PALLD: variants seen among roughly 807,000 people sequenced by gnomAD.
PALLD encodes palladin, cytoskeletal associated protein.
In PALLD, 61 loss-of-function variants were observed where a neutral mutation model predicts 123.5. That is an observed-to-expected ratio of 0.49 (90% CI 0.40 to 0.61). The LOEUF (loss-of-function observed/expected upper bound fraction) is 0.61. Ranked by LOEUF, PALLD falls within the 20% of genes least tolerant of loss-of-function variation. PALLD has a pLI of 0.00. For missense variants in PALLD, 1,273 were observed against 1,377.0 expected, an observed-to-expected ratio of 0.92 and a Z score of 1.20; for synonymous variants, 465 against 496.4, an observed-to-expected ratio of 0.94 and a Z score of 0.84.
Position 168,581,992 on chromosome 4 carries a change from G to T in PALLD, c.908+69580G>T, listed in dbSNP as rs981164064. On this transcript the variant is annotated intron_variant, in intron 2 of 21. Coordinates refer to ENST00000505667, the MANE Select transcript of PALLD (RefSeq NM_001166108.2). ...TGCATATAAATATCCAGTTTTTCTA[G>T]TGCCATTTATTGAAGAAACTGTCCT... is the stretch of plus-strand genomic sequence containing the variant. Among the ~76,000 whole-genome samples the T allele has an allele frequency of 1.7e-4, 26 of 151,886 alleles. 1 individual carries two copies. The highest frequency in any genetic ancestry group is 1.7e-3 in the Admixed American group (26 of 15,220).
intron 10 of PALLD, among the ~76,000 whole-genome samples, chr4:168,803,621 G>C (rs974315993): frequency 1.3e-5 from 2 of 151,668 alleles, no homozygotes; most frequent in African/African-American, 4.8e-5. Flanking sequence ...GGGATTCTGA[G>C]GCTGCAGTGA....
intron 17 of PALLD, among the ~76,000 whole-genome samples, chr4:168,919,690 G>C (rs28508178): frequency 0.011 from 1,727 of 152,196 alleles, 49 homozygotes; most frequent in African/African-American, 0.039. Flanking sequence ...TTTAGCCCCT[G>C]AGGAACATTC....
At chr4:168,661,876 T>C (rs1257666639) in intron 2 of PALLD, among the ~76,000 whole-genome samples, 1 of 152,210 alleles carries the variant, frequency 6.6e-6, no homozygotes, top group African/African-American at 2.4e-5. Flanking sequence ...TCTAAAAATA[T>C]AATGACAACT....
chr4:168,624,269 A>C (rs1465115089), intron 2 of PALLD, among the ~76,000 whole-genome samples: 1 of 152,190 alleles, frequency 6.6e-6, no homozygotes, highest in Non-Finnish European at 1.5e-5. Context: ...GAATGCAAGA[A>C]TAATTCATGG....
At chr4:168,546,742 C>G (rs990159278) in intron 2 of PALLD, among the ~76,000 whole-genome samples, 1 of 152,142 alleles carries the variant, frequency 6.6e-6, no homozygotes, top group Non-Finnish European at 1.5e-5. Context: ...AATGTGAGGG[C>G]TAAAACTAAG....
intron 2 of PALLD, among the ~76,000 whole-genome samples, chr4:168,552,251 T>C (rs1375083137): frequency 6.6e-6 from 1 of 152,062 alleles, no homozygotes. Context: ...ATCACACTCA[T>C]GAAGGGACCC....
At chr4:168,570,708 A>G (rs1266407306) in intron 2 of PALLD, among the ~76,000 whole-genome samples, 3 of 152,192 alleles carry the variant, frequency 2.0e-5, no homozygotes, top group Non-Finnish European at 4.4e-5. Context: ...AAGGAAAGCA[A>G]TAAGGCTAGA....
At chr4:168,518,502 G>A (rs895185354) in intron 2 of PALLD, among the ~76,000 whole-genome samples, 4 of 152,084 alleles carry the variant, frequency 2.6e-5, no homozygotes, top group Non-Finnish European at 5.9e-5. Context: ...GTCACAGTGG[G>A]GTTCTTGGCT....
At chr4:168,535,733 C>T (rs1765029576) in intron 2 of PALLD, among the ~76,000 whole-genome samples, 1 of 152,172 alleles carries the variant, frequency 6.6e-6, no homozygotes, top group African/African-American at 2.4e-5. Context: ...CCCATTGCAT[C>T]CCTCTTAAGA....
intron 1 of PALLD, among the ~76,000 whole-genome samples, chr4:168,498,916 A>G (rs1761037417): frequency 6.6e-6 from 1 of 152,092 alleles, no homozygotes; most frequent in Non-Finnish European, 1.5e-5. Context: ...AACTCTGTAA[A>G]GTATCTTATT....
intron 2 of PALLD, among the ~76,000 whole-genome samples, chr4:168,657,012 T>C (rs1778648493): frequency 6.6e-6 from 1 of 152,210 alleles, no homozygotes; most frequent in Non-Finnish European, 1.5e-5. Context: ...TACTGATGTC[T>C]GCCATAAGCT....
At chr4:168,768,413 G>T (rs1277995942) in intron 10 of PALLD, among the ~76,000 whole-genome samples, 1 of 152,176 alleles carries the variant, frequency 6.6e-6, no homozygotes, top group East Asian at 1.9e-4. Flanking sequence ...AGACATGGAT[G>T]ATCAGACGGT....
chr4:168,875,156 G>C (rs1055554870), intron 10 of PALLD, among the ~76,000 whole-genome samples: 1 of 151,264 alleles, frequency 6.6e-6, no homozygotes, highest in South Asian at 2.1e-4. Context: ...GAAATACATA[G>C]TATTTCCAAA....
At chr4:168,646,112 G>T (rs1777422304) in intron 2 of PALLD, among the ~76,000 whole-genome samples, 1 of 152,190 alleles carries the variant, frequency 6.6e-6, no homozygotes, top group African/African-American at 2.4e-5. Context: ...AGGGATGGCA[G>T]CATGCAGCAT....
At chr4:168,627,957 G>T (rs1304663426) in intron 2 of PALLD, among the ~76,000 whole-genome samples, 1 of 152,216 alleles carries the variant, frequency 6.6e-6, no homozygotes, top group Non-Finnish European at 1.5e-5. Context: ...CAAACATCCA[G>T]AAGTTTGATT....
intron 10 of PALLD, among the ~76,000 whole-genome samples, chr4:168,750,977 T>A (rs1730982227): frequency 6.7e-6 from 1 of 148,168 alleles, no homozygotes; most frequent in Admixed American, 6.7e-5. Flanking sequence ...GATCACATAT[T>A]TTATATATGT....
rs1306426861 is a variant in PALLD at position 168,544,547 on chromosome 4, AT to A, written c.908+32141del. 4.6e-5 allele frequency among the ~76,000 whole-genome samples: 7 copies of A among 152,358 alleles called. No homozygotes were observed. The East Asian group carries it at 1.2e-3, about 25-fold the overall frequency. On this transcript the variant is annotated intron_variant, in intron 2 of 21. Coordinates refer to ENST00000505667, the MANE Select transcript of PALLD (RefSeq NM_001166108.2). Reference sequence around the variant, plus strand: ...AAATTAAGCCAACCATTTACTTAGAATTTTTTATCCTAATTTAAAATACAGA... The same window carrying A: ...AAATTAAGCCAACCATTTACTTAGAATTTTTATCCTAATTTAAAATACAGA...
chr4:168,608,053 T>G (rs888810859), intron 2 of PALLD, among the ~76,000 whole-genome samples: 2 of 152,196 alleles, frequency 1.3e-5, no homozygotes, highest in Non-Finnish European at 2.9e-5. Flanking sequence ...TGGCTCTTGT[T>G]CAGTAGGTCC....
chr4:168,644,448 G>C (rs1215344273), intron 2 of PALLD, among the ~76,000 whole-genome samples: 1 of 152,138 alleles, frequency 6.6e-6, no homozygotes, highest in Non-Finnish European at 1.5e-5. Flanking sequence ...GGGTTAAACA[G>C]ACCATATCAC....
Sources: gnomAD v4.1 joint callset for allele counts (sites outside exome capture counted in the v4.1 genomes callset) on GRCh38, gnomAD v4.1.1 for gene constraint, MANE v1.5 for transcripts, NCBI Gene and HGNC (gene_info 2026-07-23, HGNC 2026-07-21) for gene names.